Variants in RAD51B observed in about 807,000 individuals in gnomAD.
RAD51B encodes RAD51 paralog B, also known as DNA repair protein RAD51 homolog 2.
A neutral mutation model predicts 42.2 loss-of-function variants in RAD51B; 38 were observed. That is an observed-to-expected ratio of 0.90 (90% CI 0.70 to 1.18). The LOEUF (loss-of-function observed/expected upper bound fraction) is 1.18, where lower values mean the gene tolerates loss of function less well. Ranked by LOEUF, RAD51B falls within the 50% of genes most tolerant of loss-of-function variation. The probability of loss-of-function intolerance (pLI) is 0.00; values close to 1 mark genes in which losing one functional copy is unlikely to be tolerated. For missense variants in RAD51B, 373 were observed against 400.7 expected (o/e 0.93, Z 0.59); for synonymous variants, 154 against 145.2 (o/e 1.06, Z -0.43).
chr14:68,197,696 G>C (rs1326816752), intron 7 of RAD51B, among the ~76,000 whole-genome samples: 1 of 152,058 alleles, frequency 6.6e-6, no homozygotes, highest in Non-Finnish European at 1.5e-5. Context: ...GCTTGAAACA[G>C]TCTTGCACTG....
At chr14:68,280,785 G>A (rs1173724928) in intron 7 of RAD51B, among the ~76,000 whole-genome samples, 1 of 152,182 alleles carries the variant, frequency 6.6e-6, no homozygotes, top group Non-Finnish European at 1.5e-5. Flanking sequence ...AGGGCAAGGT[G>A]GCTCACACCT....
chr14:68,316,888 T>G (rs1290865305), intron 8 of RAD51B, among the ~76,000 whole-genome samples: 1 of 152,220 alleles, frequency 6.6e-6, no homozygotes, highest in East Asian at 1.9e-4. Flanking sequence ...AATTCAATGA[T>G]TTTTAGTATA....
At chr14:68,061,053 CTTTTTTTTTT>C (rs755916680) in intron 7 of RAD51B, among the ~76,000 whole-genome samples, 5 of 101,286 alleles carry the variant, frequency 4.9e-5, no homozygotes, top group East Asian at 6.2e-4. Flanking sequence ...TATTTGAGGT[CTTTTTTTTTT>C]TTTTTTTTTT....
At chr14:68,072,474 C>T (rs984998344) in intron 7 of RAD51B, among the ~76,000 whole-genome samples, 2 of 151,968 alleles carry the variant, frequency 1.3e-5, no homozygotes, top group Non-Finnish European at 2.9e-5. Context: ...AGGCTCATCT[C>T]GTCACTTCAT....
At chr14:68,624,521 G>C (rs1423541945) in intron 10 of RAD51B, among the ~76,000 whole-genome samples, 1 of 152,070 alleles carries the variant, frequency 6.6e-6, no homozygotes, top group Non-Finnish European at 1.5e-5. Flanking sequence ...TGAGACTCTG[G>C]GATCCCCCTA....
chr14:67,918,073 G>A (rs4902536), intron 7 of RAD51B, among the ~76,000 whole-genome samples: 41,805 of 151,688 alleles, frequency 0.28, 7,514 homozygotes, highest in African/African-American at 0.51. Context: ...ATGGATGGGA[G>A]GATAAGATTG....
At position 68,021,012 on chromosome 14, in the gene RAD51B, T is replaced by G. The variant is rs192311786; in HGVS notation, c.756+133808T>G. 9.5e-4 allele frequency among the ~76,000 whole-genome samples: 144 copies of G among 152,246 alleles called. 1 individual carries two copies. The highest frequency in any genetic ancestry group is 3.2e-3 in the African/African-American group (133 of 41,558). On this transcript the variant is annotated intron_variant, in intron 7 of 10. Coordinates refer to ENST00000471583, the MANE Select transcript of RAD51B (RefSeq NM_133510.4). ...TTGTTAAGTGGATTCACAGAGAGCT[T>G]TGTGATGCATGAGAGAGGACCTGGG...
chr14:67,911,522 A>G (rs2043978049), intron 7 of RAD51B, among the ~76,000 whole-genome samples: 2 of 152,156 alleles, frequency 1.3e-5, no homozygotes. Context: ...AACCTTCTCC[A>G]GGCATGCTAT....
At chr14:67,894,118 A>C (rs1444210236) in intron 7 of RAD51B, among the ~76,000 whole-genome samples, 1 of 152,244 alleles carries the variant, frequency 6.6e-6, no homozygotes, top group East Asian at 1.9e-4. Context: ...ACAATATCTG[A>C]CTCATAGGGC....
chr14:68,307,870 T>G (rs1467856828), intron 8 of RAD51B, among the ~76,000 whole-genome samples: 1 of 152,226 alleles, frequency 6.6e-6, no homozygotes, highest in African/African-American at 2.4e-5. Flanking sequence ...GCTCTCCCTT[T>G]CTCTTCAAAC....
chr14:68,486,350 C>A (rs529550511), intron 10 of RAD51B, among the ~76,000 whole-genome samples: 1 of 152,154 alleles, frequency 6.6e-6, no homozygotes, highest in Admixed American at 6.5e-5. Flanking sequence ...TATTTAGAAT[C>A]GGAGGTTTAA....
chr14:67,855,900 A>G (rs979911816), intron 4 of RAD51B, among the ~76,000 whole-genome samples: 3 of 152,308 alleles, frequency 2.0e-5, no homozygotes, highest in Middle Eastern at 3.4e-3. Flanking sequence ...ATCCTGCCCT[A>G]TGTTTTGAAA....
intron 8 of RAD51B, among the ~76,000 whole-genome samples, chr14:68,315,965 G>A (rs1286220854): frequency 1.3e-5 from 2 of 152,172 alleles, no homozygotes; most frequent in South Asian, 2.1e-4. Flanking sequence ...TTTTCGTAGT[G>A]TTGTAATAAA....
chr14:67,842,835 G>A (rs559784430), intron 4 of RAD51B, among the ~76,000 whole-genome samples: 1 of 152,126 alleles, frequency 6.6e-6, no homozygotes, highest in Non-Finnish European at 1.5e-5. Flanking sequence ...GTATTTTGAG[G>A]TATGTTCATT....
downstream of RAD51B, among the ~76,000 whole-genome samples, chr14:68,612,009 A>G (rs1318020093): frequency 2.0e-5 from 3 of 152,364 alleles, no homozygotes; most frequent in African/African-American, 7.2e-5. Context: ...TAAAATTATC[A>G]TGCCAACCTG....
At chr14:68,160,559 A>G (rs1448380612) in intron 7 of RAD51B, among the ~76,000 whole-genome samples, 1 of 152,186 alleles carries the variant, frequency 6.6e-6, no homozygotes, top group Non-Finnish European at 1.5e-5. Flanking sequence ...TCTTTATTTA[A>G]AATTCTGATA....
intron 10 of RAD51B, among the ~76,000 whole-genome samples, chr14:68,585,457 G>A (rs906713379): frequency 1.3e-5 from 2 of 152,176 alleles, no homozygotes; most frequent in African/African-American, 2.4e-5. Flanking sequence ...CCAGGCGGGA[G>A]GCTGATGGGC....
At chr14:68,678,864 G>A (rs1893367139) in intron 11 of RAD51B, among the ~76,000 whole-genome samples, 1 of 152,106 alleles carries the variant, frequency 6.6e-6, no homozygotes, top group Admixed American at 6.5e-5. Context: ...AGTGAGTGAA[G>A]GAGCCCTTTA....
chr14:68,544,902 G>T (rs1888141579), intron 10 of RAD51B, among the ~76,000 whole-genome samples: 1 of 152,126 alleles, frequency 6.6e-6, no homozygotes, highest in Non-Finnish European at 1.5e-5. Flanking sequence ...AAATGCATTT[G>T]CCAAAAACCA....
Sources: allele counts gnomAD v4.1 joint callset (sites outside exome capture counted in the v4.1 genomes callset), GRCh38; gene constraint gnomAD v4.1.1; transcripts MANE v1.5; gene names NCBI Gene and HGNC (gene_info 2026-07-23, HGNC 2026-07-21).